RUNX1T1: variants seen among roughly 807,000 people sequenced by gnomAD.
RUNX1T1 encodes protein CBFA2T1.
In RUNX1T1, 4 loss-of-function variants were observed where a neutral mutation model predicts 62.8. The ratio of observed to expected loss-of-function variants is 0.06; its 90% CI spans 0.03 to 0.15. The LOEUF (loss-of-function observed/expected upper bound fraction) is 0.15, where lower values mean the gene tolerates loss of function less well. RUNX1T1 is among the 10% of genes least tolerant of loss of function. RUNX1T1 has a pLI of 1.00. For synonymous variants in RUNX1T1, 291 were observed against 286.0 expected (o/e 1.02, Z -0.18); for missense variants, 508 against 754.3 (o/e 0.67, Z 3.82).
intron 1 of RUNX1T1, 168 bp from the exon 3 acceptor site, chr8:92,017,531 C>A: frequency 6.6e-7 from 1 of 1,509,076 alleles, no homozygotes; most frequent in Admixed American, 2.1e-5. Context: ...ATCCAAACCC[C>A]ACTTAAGAAG....
At chr8:92,017,134 T>C (rs1823175207) in intron 2 of RUNX1T1, 92 bp downstream of exon 3, 2 of 975,480 alleles carry the variant, frequency 2.1e-6, no homozygotes, top group Non-Finnish European at 3.1e-6. Context: ...ACATTGATGC[T>C]GAATTTTATT....
In RUNX1T1 at chr8:91,991,281, T is replaced by C. The variant is rs558477878; in HGVS notation, c.910+358A>G. Among the ~76,000 whole-genome samples, 7 of 152,212 alleles carry C rather than the reference T, an allele frequency of 4.6e-5. No homozygotes were observed. In the South Asian group the frequency reaches 1.5e-3, roughly 32 times the overall value. The stretch of plus-strand genomic sequence containing the variant: ...GAAAATCAAGTGATTTTTAAAAATA[T>C]TTGTGGCAGGCAGACTGCATATGAA... On this transcript the variant is annotated intron_variant, in intron 6 of 10. Transcript: ENST00000396218.
At chr8:92,024,408 T>C (rs1205222862) in intron 1 of RUNX1T1, among the ~76,000 whole-genome samples, 7 of 146,250 alleles carry the variant, frequency 4.8e-5, no homozygotes, top group African/African-American at 1.3e-4. Context: ...ATGCAGGAGG[T>C]TGAGGCAGGA....
chr8:91,959,743 G>C (rs2130401194), exon 11 of RUNX1T1: 1 of 228,622 alleles, frequency 4.4e-6, no homozygotes, highest in East Asian at 6.2e-5. Flanking sequence ...TCATCTTCTT[G>C]TTAAAATGTC....
At chr8:92,094,329 A>T (rs1334666122) in intron 1 of RUNX1T1, among the ~76,000 whole-genome samples, 1 of 152,210 alleles carries the variant, frequency 6.6e-6, no homozygotes, top group East Asian at 1.9e-4. Context: ...CATCTTTTCC[A>T]CTTTTCTTCA....
intron 1 of RUNX1T1, among the ~76,000 whole-genome samples, chr8:92,053,900 G>T (rs1830608992): frequency 6.6e-6 from 1 of 152,134 alleles, no homozygotes; most frequent in South Asian, 2.1e-4. Flanking sequence ...TTATCAAGGG[G>T]AGTTGATGAT....
intron 1 of RUNX1T1, among the ~76,000 whole-genome samples, chr8:92,032,162 A>G (rs1826384089): frequency 6.6e-6 from 1 of 151,550 alleles, no homozygotes; most frequent in Non-Finnish European, 1.5e-5. Flanking sequence ...CTGCTAGTAC[A>G]TGAATAGATG....
At chr8:92,005,327 G>A (rs775993033) in intron 4 of RUNX1T1, 30 bp from the exon 6 acceptor site, 48 of 1,596,930 alleles carry the variant, frequency 3.0e-5, no homozygotes, top group Admixed American at 5.3e-5. Context: ...ATGAGAGGAC[G>A]GACTGAAAGT....
intron 1 of RUNX1T1, among the ~76,000 whole-genome samples, chr8:92,027,833 CA>C (rs141328708): frequency 0.029 from 4,454 of 151,874 alleles, 220 homozygotes; most frequent in African/African-American, 0.1. Flanking sequence ...AAACTAATTT[CA>C]AAAAAATGTT....
At chr8:92,048,485 C>A (rs182869726) in intron 1 of RUNX1T1, among the ~76,000 whole-genome samples, 28 of 152,090 alleles carry the variant, frequency 1.8e-4, no homozygotes, top group Admixed American at 1.5e-3. Flanking sequence ...TCAAGACCAG[C>A]CTGGACAACA....
chr8:92,073,795 C>T (rs1246517907), intron 2 of RUNX1T1, among the ~76,000 whole-genome samples: 1 of 152,106 alleles, frequency 6.6e-6, no homozygotes, highest in South Asian at 2.1e-4. Context: ...TTCCTGGGCT[C>T]GAGCAATCCT....
chr8:91,967,420 C>A (rs941017899), intron 10 of RUNX1T1, among the ~76,000 whole-genome samples: 7 of 149,952 alleles, frequency 4.7e-5, no homozygotes, highest in African/African-American at 1.7e-4. Context: ...GTTATTCATT[C>A]CTGCCTCCAA....
At chr8:92,015,503 T>C (rs1822813331) in intron 2 of RUNX1T1, among the ~76,000 whole-genome samples, 2 of 152,174 alleles carry the variant, frequency 1.3e-5, no homozygotes. Flanking sequence ...TGGTGATAAT[T>C]CAGTAAATTC....
At chr8:92,065,486 TAG>T (rs911660336), upstream of RUNX1T1, among the ~76,000 whole-genome samples, 1 of 152,244 alleles carries the variant, frequency 6.6e-6, no homozygotes, top group African/African-American at 2.4e-5. Context: ...GGCAATTTTT[TAG>T]AGAGAGTCAT....
chr8:91,965,398 T>G (rs1354893507), intron 10 of RUNX1T1, among the ~76,000 whole-genome samples: 2 of 152,206 alleles, frequency 1.3e-5, no homozygotes, highest in African/African-American at 4.8e-5. Flanking sequence ...CTGCTGTTTG[T>G]TCTTTTCCCT....
chr8:92,060,553 A>ATATATGTGTGTGTGTGTG, intron 1 of RUNX1T1, among the ~76,000 whole-genome samples: 7 of 63,926 alleles, frequency 1.1e-4, no homozygotes, highest in Non-Finnish European at 2.0e-4. Flanking sequence ...ATATATATAT[A>ATATATGTGTGTGTGTGTG]TGTGTGTGTG....
At chr8:92,052,677 C>T (rs940651520) in intron 1 of RUNX1T1, among the ~76,000 whole-genome samples, 1 of 152,168 alleles carries the variant, frequency 6.6e-6, no homozygotes, top group African/African-American at 2.4e-5. Flanking sequence ...CCTCTGAGGG[C>T]TTGTTCAAAC....
rs146366945 is a variant in RUNX1T1 at position 92,075,851 on chromosome 8, T to C, written c.88+114A>G. The C allele has an allele frequency of 3.2e-5, 30 of 944,952 alleles. No homozygotes were observed. The African/African-American group carries it at 3.4e-4, about 11-fold the overall frequency. The allele number at this position is 944,952 out of a possible 1,614,324, so 58.5% of individuals were successfully genotyped here. On this transcript the variant is annotated intron_variant, in intron 2 of 11. Coordinates refer to the RUNX1T1 transcript ENST00000265814. Reference sequence around the variant, plus strand: ...TTAAAACATACAATAGAACAGGCACTAGAAGAAGGAAGAAAAAAGAAAATC... The same window carrying C: ...TTAAAACATACAATAGAACAGGCACCAGAAGAAGGAAGAAAAAAGAAAATC...
intron 1 of RUNX1T1, among the ~76,000 whole-genome samples, chr8:92,028,558 T>A (rs1463740872): frequency 6.6e-6 from 1 of 152,220 alleles, no homozygotes; most frequent in African/African-American, 2.4e-5. Context: ...GTGAAGTCAA[T>A]ACACTTCAAA....
Sources: gnomAD v4.1 joint callset for allele counts (sites outside exome capture counted in the v4.1 genomes callset) on GRCh38, gnomAD v4.1.1 for gene constraint, MANE v1.5 for transcripts, NCBI Gene and HGNC (gene_info 2026-07-23, HGNC 2026-07-21) for gene names.